MON2: variants seen among roughly 807,000 people sequenced by gnomAD.
The protein encoded by MON2 is MON2 regulator of endosome-to-Golgi trafficking.
MON2 carries 84 observed loss-of-function variants against 208.6 expected under a neutral mutation model. The observed-to-expected ratio is 0.40, with a 90% confidence interval of 0.34 to 0.48. MON2 has a LOEUF of 0.48. Ranked by LOEUF, MON2 falls within the 20% of genes least tolerant of loss-of-function variation. The pLI is 0.59. For synonymous variants in MON2, 660 were observed against 694.0 expected (o/e 0.95, Z 0.77); for missense variants, 1,611 against 2,015.4 (o/e 0.80, Z 3.84).
In MON2 at chr12:62,501,641, G is replaced by A. The variant is rs199633652; in HGVS notation, c.732G>A (p.Thr244=). 1.4e-5 allele frequency: 22 copies of A among 1,614,110 alleles called. No homozygotes were observed. The East Asian group carries it at 3.8e-4, about 28-fold the overall frequency. Residue 244 remains threonine, a synonymous_variant, in exon 7 of 35, where the codon ACG becomes ACA. Transcript: ENST00000393630. The part of the protein sequence containing the change: ...WLVGMTEMTR[T]FGLELLESVL... ...TGGGCATGACAGAAATGACTCGGAC[G>A]TTTGGCCTCGAATTACTTGAGTCAG...
At chr12:62,527,430 T>C (rs990625160) in intron 11 of MON2, among the ~76,000 whole-genome samples, 1 of 152,220 alleles carries the variant, frequency 6.6e-6, no homozygotes, top group African/African-American at 2.4e-5. Flanking sequence ...TTCATTGTTA[T>C]TTTTAGTCAT....
chr12:62,597,841 C>T lies in MON2; in HGVS notation c.*5092C>T, dbSNP rs1363995282. 6.6e-6 allele frequency: 1 copy of T among 152,042 alleles called. No individual in the cohort carries two copies. The allele number at this position is 152,042 out of a possible 1,614,324, so 9.4% of individuals were successfully genotyped here. A position where few individuals can be genotyped will look rare whatever the true frequency, so the allele number is the denominator to read the frequency against. ...GCCAAGGTGGGAGTATCACTTGAGG[C>T]CAGGAGTTTGAGACTAGCCTAGACA... On this transcript the variant is annotated 3_prime_UTR_variant, in exon 35 of 35. Transcript: ENST00000393630.
chr12:62,523,980 TA>T (rs1366101879), intron 8 of MON2, among the ~76,000 whole-genome samples: 13 of 152,252 alleles, frequency 8.5e-5, no homozygotes, highest in African/African-American at 3.1e-4. Context: ...TAATGATAAT[TA>T]ATACTTAATT....
intron 19 of MON2, among the ~76,000 whole-genome samples, chr12:62,540,047 G>A (rs2073164287): frequency 1.3e-5 from 2 of 152,058 alleles, no homozygotes; most frequent in Admixed American, 1.3e-4. Context: ...TTAATTTTTT[G>A]ATACCTTTAA....
chr12:62,531,839 G>A (rs552340878), intron 11 of MON2, among the ~76,000 whole-genome samples: 2 of 151,792 alleles, frequency 1.3e-5, no homozygotes, highest in East Asian at 3.9e-4. Context: ...GCGCAATCTC[G>A]GCTCACTGCA....
At position 62,593,770 on chromosome 12, in the gene MON2, C is replaced by T. The variant is rs1205273600; in HGVS notation, c.*1021C>T. On this transcript the variant is annotated 3_prime_UTR_variant, in exon 35 of 35. Coordinates refer to ENST00000393630, the MANE Select transcript of MON2 (RefSeq NM_015026.3). ...AAGATGATTTCAGATTTTCTAAAAT[C>T]TTGCCTGTGAGGTTTTGTTCATATC... 1.3e-5 allele frequency: 2 copies of T among 152,142 alleles called. No individual in the cohort carries two copies. The highest frequency in any genetic ancestry group is 1.3e-4 in the Admixed American group (2 of 15,278). The allele number at this position is 152,142 out of a possible 1,614,324, so 9.4% of individuals were successfully genotyped here.
At chr12:62,553,414 G>A in intron 24 of MON2, 1 of 351,662 alleles carries the variant, frequency 2.8e-6, no homozygotes, top group Non-Finnish European at 5.0e-6. Context: ...CGTGATTTCT[G>A]CCTTTGCCTT....
At chr12:62,550,308 T>C (rs2073684742) in intron 23 of MON2, among the ~76,000 whole-genome samples, 1 of 152,086 alleles carries the variant, frequency 6.6e-6, no homozygotes, top group Non-Finnish European at 1.5e-5. Context: ...GGTGGGAGGA[T>C]TGCTGAGGCC....
intron 1 of MON2, among the ~76,000 whole-genome samples, chr12:62,467,872 G>A (rs1565944451): frequency 6.6e-6 from 1 of 152,120 alleles, no homozygotes; most frequent in East Asian, 1.9e-4. Context: ...GAGCAGTACT[G>A]TAGTGGGAAG....
At chr12:62,576,056 C>T (rs1292516703) in intron 30 of MON2, among the ~76,000 whole-genome samples, 6 of 151,728 alleles carry the variant, frequency 4.0e-5, no homozygotes, top group Non-Finnish European at 2.9e-5. Flanking sequence ...ATTCAATATT[C>T]AATATATTGA....
chr12:62,537,286 G>C, intron 15 of MON2, 23 bp downstream of exon 15: 1 of 1,517,020 alleles, frequency 6.6e-7, no homozygotes, highest in Admixed American at 1.8e-5. Context: ...TATTTTTCTT[G>C]GTTATCAATT....
At chr12:62,525,340 G>A (rs991068269) in intron 10 of MON2, 120 bp downstream of exon 10, 149 of 966,850 alleles carry the variant, frequency 1.5e-4, no homozygotes, top group Non-Finnish European at 2.2e-4. Context: ...AAACATGTTG[G>A]TAGTAAAGAA....
intron 27 of MON2, among the ~76,000 whole-genome samples, chr12:62,565,622 T>G (rs2074351052): frequency 6.6e-6 from 1 of 152,210 alleles, no homozygotes; most frequent in South Asian, 2.1e-4. Flanking sequence ...AGTTTGGCCT[T>G]TCATATTACT....
At chr12:62,530,731 A>G (rs1025662113) in intron 11 of MON2, among the ~76,000 whole-genome samples, 3 of 152,082 alleles carry the variant, frequency 2.0e-5, no homozygotes, top group African/African-American at 7.2e-5. Context: ...ATGTGTTTTC[A>G]TTTCTGTTGG....
At chr12:62,502,585 G>C (rs749245451) in intron 7 of MON2, among the ~76,000 whole-genome samples, 8 of 152,132 alleles carry the variant, frequency 5.3e-5, no homozygotes, top group South Asian at 4.1e-4. Context: ...CAGTGTATGG[G>C]TCTATGAAGG....
At chr12:62,540,025 A>G (rs1296345261) in intron 19 of MON2, among the ~76,000 whole-genome samples, 1 of 152,210 alleles carries the variant, frequency 6.6e-6, no homozygotes, top group Non-Finnish European at 1.5e-5. Context: ...AGGATAATAT[A>G]TAATGAAGTA....
intron 2 of MON2, among the ~76,000 whole-genome samples, chr12:62,489,349 A>G (rs898220257): frequency 6.6e-6 from 1 of 151,994 alleles, no homozygotes; most frequent in Non-Finnish European, 1.5e-5. Flanking sequence ...TTTTCCCTGT[A>G]TTAAATTATT....
rs144833923 is a variant in MON2, at chr12:62,591,035, G to A, written c.4991-1551G>A. Among the ~76,000 whole-genome samples the A allele has an allele frequency of 1.2e-3, 186 of 152,262 alleles. 1 individual carries two copies. The East Asian group carries it at 0.022, about 18-fold the overall frequency. ...TCATAACATACTTTTGTGTTTTACC[G>A]TAATAAACTGAGGGTTAATTTGGTC... On this transcript the variant is annotated intron_variant, in intron 34 of 34. Transcript: ENST00000393630.
At chr12:62,530,906 A>T (rs2136211360) in intron 11 of MON2, among the ~76,000 whole-genome samples, 1 of 152,302 alleles carries the variant, frequency 6.6e-6, no homozygotes, top group Middle Eastern at 3.4e-3. Flanking sequence ...ATGCTTGTTA[A>T]TCTTTTTTAT....
Sources: gnomAD v4.1 joint callset for allele counts (sites outside exome capture counted in the v4.1 genomes callset) on GRCh38, gnomAD v4.1.1 for gene constraint, MANE v1.5 for transcripts, NCBI Gene and HGNC (gene_info 2026-07-23, HGNC 2026-07-21) for gene names.